Variants in CIT observed in about 807,000 individuals in gnomAD.
CIT encodes citron rho-interacting serine/threonine kinase, also known as citron Rho-interacting kinase.
A neutral mutation model predicts 272.7 loss-of-function variants in CIT; 79 were observed. The observed-to-expected ratio is 0.29, with a 90% confidence interval of 0.24 to 0.35. CIT has a LOEUF of 0.35. CIT is among the 10% of genes least tolerant of loss of function. The probability of loss-of-function intolerance (pLI) is 1.00; values close to 1 mark genes in which losing one functional copy is unlikely to be tolerated. For missense variants in CIT, 1,909 were observed against 2,618.3 expected (o/e 0.73, Z 5.91); for synonymous variants, 948 against 995.6 (o/e 0.95, Z 0.90).
intron 39 of CIT, among the ~76,000 whole-genome samples, 165 bp from the exon 40 acceptor site, chr12:119,708,483 A>T (rs941755621): frequency 1.8e-4 from 27 of 148,252 alleles, no homozygotes; most frequent in East Asian, 9.9e-4. Flanking sequence ...TGATTTATTT[A>T]TTTTTTTTTT....
In CIT at chr12:119,713,245, C is replaced by G; in HGVS notation, c.4537G>C (p.Glu1513Gln). The change falls in exon 35 of 48, where the codon GAG (glutamate) becomes CAG (glutamine). Residue 1513 changes from glutamate to glutamine, a missense_variant. Glu to Gln is a conservative substitution (Grantham distance 29). Around this residue, in one of 8 missense-constraint regions of CIT, gnomAD observed 780 missense variants for 1,067.2 expected, o/e 0.73. Transcript: ENST00000392521. The surrounding 1 kb of genome is among the most constrained non-coding windows in gnomAD (Gnocchi z 5.2). ...QGWDRKYIVL[E>Q]GSKVLIYDNE... ...TCATAAATGAGGACTTTTGATCCCT[C>G]CAGGACAATGTACTTCCTGTCCCAG... 6.2e-7 allele frequency: 1 copy of G among 1,614,118 alleles called. No individual in the cohort carries two copies. The highest frequency in any genetic ancestry group is 8.5e-7 in the Non-Finnish European group (1 of 1,179,974).
At chr12:119,836,284 TAAAAAAAAAA>T (rs201559880) in intron 5 of CIT, among the ~76,000 whole-genome samples, 16 of 42,260 alleles carry the variant, frequency 3.8e-4, no homozygotes, top group African/African-American at 1.5e-3. Context: ...AGACTCCATC[TAAAAAAAAAA>T]AAAAAAAAAA....
chr12:119,848,331 C>T (rs1017482735), intron 5 of CIT, among the ~76,000 whole-genome samples: 3 of 152,156 alleles, frequency 2.0e-5, no homozygotes, highest in Non-Finnish European at 4.4e-5. Context: ...TCCCCAAAAA[C>T]GGGCCAGTAG....
In CIT at chr12:119,784,899, T is replaced by G; in HGVS notation, c.1401+61A>C. ...CAGCAGCGGCCCCGGGCGGATCCCT[T>G]GGCATATACGGACGGGAGGATCCTG... On this transcript the variant is annotated intron_variant, in intron 11 of 47. Coordinates refer to ENST00000392521, the MANE Select transcript of CIT (RefSeq NM_001206999.2). This position sits in a 1 kb window ranked among gnomAD's most constrained non-coding sequence, Gnocchi z 4.7. 1 of 1,595,876 alleles carries G rather than the reference T, an allele frequency of 6.3e-7. No individual in the cohort carries two copies. The highest frequency in any genetic ancestry group is 8.5e-7 in the Non-Finnish European group (1 of 1,170,704).
intron 32 of CIT, among the ~76,000 whole-genome samples, chr12:119,716,813 A>C (rs1957514038): frequency 6.6e-6 from 1 of 152,204 alleles, no homozygotes; most frequent in South Asian, 2.1e-4. Context: ...AGGTGTTTAC[A>C]GTAACAGGGG....
At chr12:119,786,423 G>A (rs1342334907) in intron 10 of CIT, among the ~76,000 whole-genome samples, 1 of 152,222 alleles carries the variant, frequency 6.6e-6, no homozygotes, top group African/African-American at 2.4e-5. Flanking sequence ...ATGAGAGAGA[G>A]ATTCCAGGAC....
intron 46 of CIT, among the ~76,000 whole-genome samples, chr12:119,691,166 C>T (rs533182457): frequency 2.6e-4 from 33 of 125,070 alleles, no homozygotes; most frequent in Admixed American, 6.7e-4. Context: ...AGCAAGACTC[C>T]GTCTCAAAAA....
intron 7 of CIT, 97 bp from the exon 8 acceptor site, chr12:119,825,465 G>C (rs1438718447): frequency 1.8e-6 from 2 of 1,113,648 alleles, no homozygotes; most frequent in African/African-American, 3.1e-5. Flanking sequence ...ATTTGCCACT[G>C]ATTACTATTC....
intron 23 of CIT, among the ~76,000 whole-genome samples, chr12:119,750,744 T>C (rs1468410810): frequency 1.5e-5 from 2 of 132,142 alleles, no homozygotes; most frequent in African/African-American, 2.9e-5. Context: ...TAAATATATA[T>C]AGATATAGAT....
chr12:119,699,527 C>T (rs567352498), intron 44 of CIT, among the ~76,000 whole-genome samples: 16 of 152,318 alleles, frequency 1.1e-4, no homozygotes, highest in African/African-American at 3.4e-4. Flanking sequence ...GCTGACTCTG[C>T]GGTCTGCTCT....
chr12:119,715,539 A>G (rs1393214417), intron 32 of CIT, among the ~76,000 whole-genome samples: 1 of 150,054 alleles, frequency 6.7e-6, no homozygotes, highest in Non-Finnish European at 1.5e-5. Context: ...TGGAAGGAGA[A>G]TGGCGGGGGA....
At chr12:119,740,411 T>C (rs1017583043) in intron 24 of CIT, among the ~76,000 whole-genome samples, 4 of 152,198 alleles carry the variant, frequency 2.6e-5, no homozygotes, top group Non-Finnish European at 5.9e-5. Flanking sequence ...AGGATAAAAT[T>C]TGGATAACCT....
At chr12:119,776,315 C>G in intron 15 of CIT, 43 bp downstream of exon 15, 2 of 1,517,442 alleles carry the variant, frequency 1.3e-6, no homozygotes, top group Non-Finnish European at 1.8e-6. Flanking sequence ...AAAAAGTTAT[C>G]TACCCAAAAT....
intron 12 of CIT, 179 bp downstream of exon 12, chr12:119,783,729 G>T: frequency 1.5e-6 from 1 of 647,940 alleles, no homozygotes; most frequent in Non-Finnish European, 2.5e-6. Flanking sequence ...TCATTTCTTG[G>T]GGACCTTACG....
intron 21 of CIT, 129 bp from the exon 22 acceptor site, chr12:119,757,674 G>A: frequency 1.7e-6 from 2 of 1,183,848 alleles, no homozygotes; most frequent in Non-Finnish European, 2.4e-6. Flanking sequence ...CCATTCCTGG[G>A]TTAGCTGTCT....
chr12:119,720,611 C>T (rs776637700), intron 29 of CIT, 26 bp from the exon 30 acceptor site: 3 of 1,500,596 alleles, frequency 2.0e-6, no homozygotes, highest in South Asian at 2.4e-5. Flanking sequence ...ACAAACTAAC[C>T]TCAAATCCAG....
At chr12:119,758,359 A>G (rs1461648508) in intron 21 of CIT, among the ~76,000 whole-genome samples, 1 of 152,200 alleles carries the variant, frequency 6.6e-6, no homozygotes. Flanking sequence ...AGAGAGAGCA[A>G]AACACTCTGT....
rs774748277 is a variant in CIT, at chr12:119,712,209, C to G, written c.4823G>C (p.Arg1608Thr). The change falls in exon 37 of 48, where the codon AGA (arginine) becomes ACA (threonine). Residue 1608 changes from arginine to threonine, a missense_variant. Physicochemically the swap from Arg to Thr is moderately conservative, Grantham distance 71. Around this residue, in one of 8 missense-constraint regions of CIT, gnomAD observed 780 missense variants for 1,067.2 expected, o/e 0.73. Transcript: ENST00000392521. This position sits in a 1 kb window ranked among gnomAD's most constrained non-coding sequence, Gnocchi z 5.2. ...TALESVVAGGRVSREKAEADA... is the reference protein window; with the variant it reads ...TALESVVAGGTVSREKAEADA... ...AGCTTCTGCTTTTTCCCTAGAAACT[C>G]TCCCACCTGCGACAACTGATTCTAA... The G allele has an allele frequency of 6.2e-7, 1 of 1,607,676 alleles. No homozygotes were observed.
Position 119,832,754 on chromosome 12 carries a change from C to G in CIT, c.753+17G>C, listed in dbSNP as rs1267230201. ...TTTAGTATAAACTCTATTAAGCTAT[C>G]TTATTCCATTTTTTACCATCTTGTT... is the stretch of plus-strand genomic sequence containing the variant. On this transcript the variant is annotated intron_variant, in intron 7 of 47. Coordinates refer to ENST00000392521, the MANE Select transcript of CIT (RefSeq NM_001206999.2). 1 of 1,596,940 alleles carries G rather than the reference C, an allele frequency of 6.3e-7. No homozygotes were observed. The highest frequency in any genetic ancestry group is 8.6e-7 in the Non-Finnish European group (1 of 1,164,482).
Sources: gnomAD v4.1 joint callset for allele counts (sites outside exome capture counted in the v4.1 genomes callset) on GRCh38, gnomAD v4.1.1 for gene constraint, gnomAD v4.1.1 regional missense constraint, Gnocchi (gnomAD v3.1) non-coding constraint, MANE v1.5 for transcripts, NCBI Gene and HGNC (gene_info 2026-07-23, HGNC 2026-07-21) for gene names.